TBC1D1: variants seen among roughly 807,000 people sequenced by gnomAD.
The protein encoded by TBC1D1 is TBC1 domain family member 1, also known as TBC1 (tre-2/USP6, BUB2, cdc16) domain family, member 1.
A neutral mutation model predicts 125.6 loss-of-function variants in TBC1D1; 89 were observed. That is an observed-to-expected ratio of 0.71 (90% CI 0.60 to 0.85). The LOEUF (loss-of-function observed/expected upper bound fraction) is 0.85, where lower values mean the gene tolerates loss of function less well. Ranked by LOEUF, TBC1D1 falls within the 40% of genes least tolerant of loss-of-function variation. The pLI is 0.00. For missense variants in TBC1D1, 1,377 were observed against 1,469.2 expected (o/e 0.94, Z 1.03); for synonymous variants, 565 against 564.1 (o/e 1.00, Z -0.02).
At chr4:37,911,782 G>A (rs1393819591) in intron 2 of TBC1D1, among the ~76,000 whole-genome samples, 5 of 152,194 alleles carry the variant, frequency 3.3e-5, no homozygotes, top group Non-Finnish European at 5.9e-5. Flanking sequence ...TGTGCCAAAT[G>A]TAAGTTCTGA....
chr4:37,898,798 A>G (rs951805873), intron 1 of TBC1D1, among the ~76,000 whole-genome samples: 1 of 152,204 alleles, frequency 6.6e-6, no homozygotes, highest in Non-Finnish European at 1.5e-5. Flanking sequence ...GTAAAATCTC[A>G]GACCCTTTGC....
intron 2 of TBC1D1, among the ~76,000 whole-genome samples, chr4:37,925,137 G>A (rs1406802376): frequency 6.6e-6 from 1 of 152,178 alleles, no homozygotes; most frequent in African/African-American, 2.4e-5. Context: ...CAGGCCCTGG[G>A]CTCCATGCCG....
intron 11 of TBC1D1, among the ~76,000 whole-genome samples, 154 bp downstream of exon 11, chr4:38,050,052 G>A (rs915048110): frequency 3.3e-5 from 5 of 152,170 alleles, no homozygotes; most frequent in East Asian, 3.9e-4. Context: ...ATGTTCGTTC[G>A]AGCTGCTTGT....
At chr4:38,093,230 T>C (rs913993768) in intron 13 of TBC1D1, among the ~76,000 whole-genome samples, 2 of 152,174 alleles carry the variant, frequency 1.3e-5, no homozygotes, top group African/African-American at 4.8e-5. Flanking sequence ...ACTTGCATAC[T>C]CTTTGGGAAA....
chr4:38,031,476 C>G (rs1156582543), intron 7 of TBC1D1, among the ~76,000 whole-genome samples: 1 of 152,122 alleles, frequency 6.6e-6, no homozygotes, highest in African/African-American at 2.4e-5. Context: ...AGATGTTAGA[C>G]TGTAGTGTCC....
intron 15 of TBC1D1, among the ~76,000 whole-genome samples, chr4:38,114,391 C>G (rs1376509958): frequency 6.6e-6 from 1 of 152,206 alleles, no homozygotes; most frequent in Non-Finnish European, 1.5e-5. Flanking sequence ...GATAACACAT[C>G]TGGACTGATG....
chr4:37,952,542 A>C (rs1728103778), intron 2 of TBC1D1: 1 of 164,678 alleles, frequency 6.1e-6, no homozygotes, highest in African/African-American at 2.4e-5. Context: ...AAAACCAAAC[A>C]CCACATGTTC....
chr4:37,988,505 C>T (rs1466675685), intron 2 of TBC1D1, among the ~76,000 whole-genome samples: 2 of 152,148 alleles, frequency 1.3e-5, no homozygotes, highest in Admixed American at 6.5e-5. Flanking sequence ...AAGCGGTTGA[C>T]GATTTATCCA....
rs1351356828 is a variant in TBC1D1 at position 37,950,788 on chromosome 4, C to T, written c.417+48276C>T. Among the ~76,000 whole-genome samples, 10 of 141,652 alleles carry T rather than the reference C, an allele frequency of 7.1e-5. No individual in the cohort carries two copies. The East Asian group carries it at 1.6e-3, about 23-fold the overall frequency. 92.9% of individuals were successfully genotyped at this position (141,652 alleles called of 152,430 possible). On this transcript the variant is annotated intron_variant, in intron 2 of 19. Coordinates refer to ENST00000261439, the MANE Select transcript of TBC1D1 (RefSeq NM_015173.4). Reference sequence around the variant, plus strand: ...TTTTTTTTTTTTTGAGACGGAGTTTCGCTCTTGTTGCCCAGGCTGGAGTGC... The same window carrying T: ...TTTTTTTTTTTTTGAGACGGAGTTTTGCTCTTGTTGCCCAGGCTGGAGTGC...
At chr4:38,007,242 T>A (rs1740482495) in intron 2 of TBC1D1, 2 of 152,340 alleles carry the variant, frequency 1.3e-5, no homozygotes, top group African/African-American at 4.8e-5. Flanking sequence ...TTTTTTTATT[T>A]ATTTATTAAT....
At chr4:38,086,886 A>C (rs758019110) in intron 12 of TBC1D1, among the ~76,000 whole-genome samples, 1 of 152,176 alleles carries the variant, frequency 6.6e-6, no homozygotes, top group African/African-American at 2.4e-5. Context: ...AGGCTTGTGC[A>C]TGTAGAAGTT....
chr4:38,093,525 C>CCG (rs1758790331), intron 13 of TBC1D1, among the ~76,000 whole-genome samples: 2 of 149,774 alleles, frequency 1.3e-5, no homozygotes, highest in African/African-American at 5.0e-5. Context: ...GTTTTCCCCC[C>CCG]CCTTTTTTTT....
intron 2 of TBC1D1, among the ~76,000 whole-genome samples, chr4:38,000,219 G>A (rs930457261): frequency 2.0e-5 from 3 of 152,304 alleles, no homozygotes; most frequent in African/African-American, 7.2e-5. Flanking sequence ...TGGTGGTGGT[G>A]ATTGTATTTT....
chr4:38,131,331 A>G, intron 18 of TBC1D1, among the ~76,000 whole-genome samples: 1 of 152,236 alleles, frequency 6.6e-6, no homozygotes, highest in East Asian at 1.9e-4. Context: ...TTTATTCAGC[A>G]CCATATTTAT....
intron 12 of TBC1D1, among the ~76,000 whole-genome samples, chr4:38,069,858 G>GT (rs1754403575): frequency 7.3e-6 from 1 of 137,888 alleles, no homozygotes; most frequent in Admixed American, 7.1e-5. Context: ...CATTTTTTCT[G>GT]TTTTTTGTTT....
At chr4:38,056,035 A>T (rs1456942996) in intron 12 of TBC1D1, among the ~76,000 whole-genome samples, 1 of 152,234 alleles carries the variant, frequency 6.6e-6, no homozygotes, top group Non-Finnish European at 1.5e-5. Flanking sequence ...AGGATGCGTT[A>T]GGGGCCACAG....
chr4:38,028,640 A>T (rs964820460), intron 7 of TBC1D1, among the ~76,000 whole-genome samples: 2 of 152,230 alleles, frequency 1.3e-5, no homozygotes, highest in Non-Finnish European at 2.9e-5. Context: ...TAAATGAAAC[A>T]GGCAAGCCTC....
intron 15 of TBC1D1, among the ~76,000 whole-genome samples, chr4:38,106,984 C>T (rs968601036): frequency 6.6e-6 from 1 of 151,376 alleles, no homozygotes; most frequent in African/African-American, 2.4e-5. Flanking sequence ...TCTGCTGCCC[C>T]CTTCTCTGAC....
chr4:37,904,594 C>T (rs769981877), intron 2 of TBC1D1, among the ~76,000 whole-genome samples: 9 of 152,226 alleles, frequency 5.9e-5, no homozygotes, highest in Non-Finnish European at 1.2e-4. Flanking sequence ...AGATTTATAA[C>T]CAAATTCTGT....
Sources: gnomAD v4.1 joint callset for allele counts (sites outside exome capture counted in the v4.1 genomes callset) on GRCh38, gnomAD v4.1.1 for gene constraint, MANE v1.5 for transcripts, NCBI Gene and HGNC (gene_info 2026-07-23, HGNC 2026-07-21) for gene names.